SYT16: variants seen among roughly 807,000 people sequenced by gnomAD.
SYT16 encodes synaptotagmin-16.
In SYT16, 42 loss-of-function variants were observed where a neutral mutation model predicts 61.4. The observed-to-expected ratio is 0.68, with a 90% CI of 0.53 to 0.89. The LOEUF (loss-of-function observed/expected upper bound fraction) is 0.89. Among genes scored for constraint, SYT16 ranks in the 40% least tolerant of loss-of-function variants. The pLI is 0.00. For missense variants in SYT16, 804 were observed against 807.3 expected, an observed-to-expected ratio of 1.00 and a Z score of 0.05; for synonymous variants, 314 against 302.3, an observed-to-expected ratio of 1.04 and a Z score of -0.40.
intron 1 of SYT16, among the ~76,000 whole-genome samples, chr14:61,834,616 T>C (rs2046065101): frequency 6.6e-6 from 1 of 151,900 alleles, no homozygotes; most frequent in Non-Finnish European, 1.5e-5. Flanking sequence ...TTTGTATTTT[T>C]AGTAGAGATG....
intron 2 of SYT16, among the ~76,000 whole-genome samples, chr14:61,995,319 A>G (rs182882217): frequency 1.3e-5 from 2 of 152,242 alleles, no homozygotes; most frequent in East Asian, 3.9e-4. Flanking sequence ...TAGATAATCC[A>G]TTTGCCACCC....
rs1297416117 is a variant in SYT16 at position 61,928,099 on chromosome 14, C to T, written c.-324-42033C>T. On this transcript the variant is annotated intron_variant, in intron 1 of 7. Coordinates refer to ENST00000683842, the MANE Select transcript of SYT16 (RefSeq NM_001367656.1). ...TTGATATTTAACCTATTTGTTTTCT[C>T]TTAAATTGAGACTTCTGTTGTTGCA... 2.0e-5 allele frequency among the ~76,000 whole-genome samples: 3 copies of T among 152,166 alleles called. No individual in the cohort carries two copies. In the East Asian group the frequency reaches 5.8e-4, roughly 29 times the overall value.
intron 1 of SYT16, among the ~76,000 whole-genome samples, chr14:61,836,654 T>C (rs2046138511): frequency 6.6e-6 from 1 of 152,190 alleles, no homozygotes; most frequent in African/African-American, 2.4e-5. Context: ...AGGATTTTTA[T>C]TGCAGACATT....
intron 1 of SYT16, among the ~76,000 whole-genome samples, chr14:61,820,990 C>T (rs887916039): frequency 6.6e-6 from 1 of 152,174 alleles, no homozygotes; most frequent in African/African-American, 2.4e-5. Context: ...TTGACATTCC[C>T]TGTCTCTCTT....
At chr14:61,859,059 C>T (rs1219821425) in intron 1 of SYT16, among the ~76,000 whole-genome samples, 1 of 151,700 alleles carries the variant, frequency 6.6e-6, no homozygotes, top group Admixed American at 6.6e-5. Flanking sequence ...CGGGGTTTCA[C>T]CATGTTAGCC....
intron 1 of SYT16, among the ~76,000 whole-genome samples, chr14:61,815,982 G>A (rs1453849497): frequency 1.3e-5 from 2 of 152,132 alleles, no homozygotes; most frequent in Non-Finnish European, 2.9e-5. Flanking sequence ...AGGTAATGTT[G>A]GAAACATCTA....
chr14:61,945,491 C>G (rs1297948491), intron 1 of SYT16, among the ~76,000 whole-genome samples: 3 of 152,182 alleles, frequency 2.0e-5, no homozygotes, highest in Non-Finnish European at 4.4e-5. Flanking sequence ...AACTCAAATG[C>G]CCATCAATGA....
intron 2 of SYT16, among the ~76,000 whole-genome samples, chr14:61,983,101 G>T (rs1197618197): frequency 1.3e-5 from 2 of 152,166 alleles, no homozygotes; most frequent in African/African-American, 2.4e-5. Context: ...ATTAGTAGAG[G>T]TGACTGTTTC....
chr14:62,112,139 G>T lies in SYT16; in HGVS notation c.*11432G>T, dbSNP rs962911057. 2.6e-5 allele frequency: 4 copies of T among 152,018 alleles called. No homozygotes were observed. The highest frequency in any genetic ancestry group is 9.7e-5 in the African/African-American group (4 of 41,422). 9.4% of individuals were successfully genotyped at this position (152,018 alleles called of 1,614,324 possible). A position where few individuals can be genotyped will look rare whatever the true frequency, so the allele number is the denominator to read the frequency against. ...ACTATTATGTATTGTGTTTAAACAA[G>T]ACCAATCAGTGAAATATTGAATGTC... On this transcript the variant is annotated 3_prime_UTR_variant, in exon 8 of 8. Transcript: ENST00000683842.
At chr14:61,939,187 G>A (rs2050111945) in intron 1 of SYT16, among the ~76,000 whole-genome samples, 1 of 152,156 alleles carries the variant, frequency 6.6e-6, no homozygotes, top group Non-Finnish European at 1.5e-5. Context: ...AGGGCATTAT[G>A]TGTCTGGGAA....
At chr14:62,067,422 A>G (rs1029893846) in intron 3 of SYT16, among the ~76,000 whole-genome samples, 3 of 152,120 alleles carry the variant, frequency 2.0e-5, no homozygotes, top group Non-Finnish European at 4.4e-5. Flanking sequence ...CAGACATATA[A>G]ACACCTGGGG....
chr14:61,974,289 T>C (rs2051691280), intron 2 of SYT16, among the ~76,000 whole-genome samples: 1 of 152,080 alleles, frequency 6.6e-6, no homozygotes, highest in Admixed American at 6.6e-5. Context: ...GGCTGGAGGA[T>C]GAACAATCCA....
At chr14:61,860,611 T>C (rs1269567774) in intron 1 of SYT16, among the ~76,000 whole-genome samples, 1 of 152,224 alleles carries the variant, frequency 6.6e-6, no homozygotes, top group East Asian at 1.9e-4. Flanking sequence ...TAAAAAGTAT[T>C]GGTCTATAAT....
intron 3 of SYT16, among the ~76,000 whole-genome samples, chr14:62,004,237 AGAGAC>A (rs2053133307): frequency 4.6e-5 from 7 of 152,158 alleles, no homozygotes; most frequent in Admixed American, 4.6e-4. Context: ...TGGCAACAGG[AGAGAC>A]AGAGAGACAG....
intron 1 of SYT16, among the ~76,000 whole-genome samples, chr14:61,919,206 G>C (rs541229758): frequency 6.6e-6 from 1 of 152,284 alleles, no homozygotes; most frequent in South Asian, 2.1e-4. Context: ...AGTAGCCACT[G>C]TTCCCTACCC....
At chr14:61,900,015 T>C (rs2048456357) in intron 1 of SYT16, among the ~76,000 whole-genome samples, 1 of 152,222 alleles carries the variant, frequency 6.6e-6, no homozygotes. Flanking sequence ...TATCACACAC[T>C]GTTGAATATG....
At chr14:62,049,441 C>T (rs573503360) in intron 3 of SYT16, among the ~76,000 whole-genome samples, 1 of 152,256 alleles carries the variant, frequency 6.6e-6, no homozygotes, top group Admixed American at 6.5e-5. Flanking sequence ...ATTTGCCAGT[C>T]TGTGTCTTTT....
intron 3 of SYT16, among the ~76,000 whole-genome samples, chr14:62,009,151 T>C (rs1280460045): frequency 6.6e-6 from 1 of 152,208 alleles, no homozygotes; most frequent in African/African-American, 2.4e-5. Context: ...ATTAAAAGAA[T>C]CTAAGTATTA....
intron 1 of SYT16, among the ~76,000 whole-genome samples, chr14:61,840,789 GC>G (rs1234066107): frequency 1.3e-5 from 2 of 152,132 alleles, no homozygotes; most frequent in Non-Finnish European, 2.9e-5. Context: ...AAGAGGTAGA[GC>G]TCATAAATAT....
Sources: gnomAD v4.1 joint callset for allele counts (sites outside exome capture counted in the v4.1 genomes callset) on GRCh38, gnomAD v4.1.1 for gene constraint, MANE v1.5 for transcripts, NCBI Gene and HGNC (gene_info 2026-07-23, HGNC 2026-07-21) for gene names.